Variants in LOC128462377 observed in about 807,000 individuals in gnomAD.
chr16:89,416,584 C>T, the LOC128462377 span, among the ~76,000 whole-genome samples: 1 of 152,068 alleles, frequency 6.6e-6, no homozygotes, highest in Non-Finnish European at 1.5e-5. Flanking sequence ...AGGCGTGAGC[C>T]ACTGTGCCTG....
the LOC128462377 span, among the ~76,000 whole-genome samples, chr16:89,405,491 A>ATTT: frequency 1.5e-4 from 17 of 111,456 alleles, no homozygotes; most frequent in African/African-American, 6.0e-4. Context: ...CACCTGGCTC[A>ATTT]TTTTTTTTTT....
At chr16:89,326,083 T>G in the LOC128462377 span, among the ~76,000 whole-genome samples, 1 of 152,186 alleles carries the variant, frequency 6.6e-6, no homozygotes, top group Non-Finnish European at 1.5e-5. Context: ...AATGCTTCTT[T>G]TACACAGAAG....
the LOC128462377 span, among the ~76,000 whole-genome samples, chr16:89,363,149 T>G: frequency 1.3e-5 from 2 of 152,192 alleles, no homozygotes; most frequent in Admixed American, 1.3e-4. Context: ...TTCAAACAGC[T>G]GGGAACACGC....
the LOC128462377 span, among the ~76,000 whole-genome samples, chr16:89,327,993 C>G: frequency 6.6e-6 from 1 of 152,186 alleles, no homozygotes; most frequent in Non-Finnish European, 1.5e-5. Flanking sequence ...AGTCAGATAG[C>G]AGGCTTGTAT....
At chr16:89,380,747 G>T in the LOC128462377 span, among the ~76,000 whole-genome samples, 1 of 152,242 alleles carries the variant, frequency 6.6e-6, no homozygotes, top group East Asian at 1.9e-4. Context: ...CAGAGAAGAA[G>T]CTGGAGGCCT....
At chr16:89,384,479 GAATGGGACGAGATGGA>G in the LOC128462377 span, among the ~76,000 whole-genome samples, 1 of 152,060 alleles carries the variant, frequency 6.6e-6, no homozygotes, top group Admixed American at 6.5e-5. Flanking sequence ...GACAAGATGG[GAATGGGACGAGATGGA>G]AATGGGACAG....
chr16:89,413,522 G>A, the LOC128462377 span, among the ~76,000 whole-genome samples: 1 of 152,192 alleles, frequency 6.6e-6, no homozygotes, highest in Non-Finnish European at 1.5e-5. Context: ...CTACTTGGGA[G>A]GCTGAGGCAG....
chr16:89,347,031 C>G, the LOC128462377 span, among the ~76,000 whole-genome samples: 1 of 152,102 alleles, frequency 6.6e-6, no homozygotes, highest in Non-Finnish European at 1.5e-5. Flanking sequence ...TGGTCAGTAG[C>G]AGGAAGAGAA....
At chr16:89,330,933 T>C in the LOC128462377 span, among the ~76,000 whole-genome samples, 1 of 152,176 alleles carries the variant, frequency 6.6e-6, no homozygotes, top group African/African-American at 2.4e-5. Flanking sequence ...AAATTAAAAT[T>C]TTGAAAAATA....
chr16:89,322,196 T>C, the LOC128462377 span, among the ~76,000 whole-genome samples: 4 of 152,208 alleles, frequency 2.6e-5, no homozygotes, highest in African/African-American at 9.7e-5. Flanking sequence ...TTGCTGTAAT[T>C]TGTATTAAAA....
the LOC128462377 span, among the ~76,000 whole-genome samples, chr16:89,364,773 A>C: frequency 6.6e-6 from 1 of 152,214 alleles, no homozygotes; most frequent in African/African-American, 2.4e-5. Flanking sequence ...GTCAGACTGT[A>C]AACACTACTC....
chr16:89,407,639 G>A, the LOC128462377 span, among the ~76,000 whole-genome samples: 17 of 152,188 alleles, frequency 1.1e-4, no homozygotes, highest in East Asian at 2.3e-3. Flanking sequence ...TGAGTAACAC[G>A]GCGAGACGCC....
the LOC128462377 span, among the ~76,000 whole-genome samples, chr16:89,411,770 A>G: frequency 9.2e-5 from 14 of 152,212 alleles, no homozygotes; most frequent in African/African-American, 3.1e-4. Flanking sequence ...AATGGACAAC[A>G]CAAATAAATA....
At chr16:89,393,291 T>C in the LOC128462377 span, among the ~76,000 whole-genome samples, 3 of 151,440 alleles carry the variant, frequency 2.0e-5, no homozygotes, top group African/African-American at 7.3e-5. Context: ...TAGTTTCCTC[T>C]TTTTTTTACT....
chr16:89,343,737 C>G, the LOC128462377 span: 1 of 152,314 alleles, frequency 6.6e-6, no homozygotes, highest in African/African-American at 2.4e-5. Flanking sequence ...CTCATGTTTT[C>G]AAGGAAGGGT....
the LOC128462377 span, among the ~76,000 whole-genome samples, chr16:89,340,968 C>T: frequency 2.5e-4 from 38 of 152,224 alleles, 1 homozygote; most frequent in South Asian, 3.1e-3. Context: ...GAGTCCTGGA[C>T]GGACATTCTA....
At chr16:89,355,307 C>T in the LOC128462377 span, among the ~76,000 whole-genome samples, 18 of 151,922 alleles carry the variant, frequency 1.2e-4, 1 homozygote, top group African/African-American at 3.9e-4. Context: ...GGCGGGCGGA[C>T]GGCTCACACA....
chr16:89,382,995 C>A, the LOC128462377 span, among the ~76,000 whole-genome samples: 1 of 152,212 alleles, frequency 6.6e-6, no homozygotes, highest in African/African-American at 2.4e-5. Context: ...CGTGAGCCAC[C>A]GTGCCAGGCT....
the LOC128462377 span, among the ~76,000 whole-genome samples, chr16:89,385,776 G>A: frequency 1.3e-5 from 2 of 152,252 alleles, no homozygotes; most frequent in African/African-American, 4.8e-5. Flanking sequence ...GAGTGGCAGT[G>A]AGACCGTGCC....
Sources: gnomAD v4.1 joint callset for allele counts (sites outside exome capture counted in the v4.1 genomes callset) on GRCh38, gnomAD v4.1.1 for gene constraint, MANE v1.5 for transcripts.